Variants in DNAH5 observed in about 807,000 individuals in gnomAD.
DNAH5 encodes the protein dynein axonemal heavy chain 5, also known as axonemal beta dynein heavy chain 5.
DNAH5 carries 372 observed loss-of-function variants against 518.2 expected under a neutral mutation model. The observed-to-expected ratio is 0.72, with a 90% CI of 0.66 to 0.78. The LOEUF (loss-of-function observed/expected upper bound fraction) is 0.78, where lower values mean the gene tolerates loss of function less well. DNAH5 is among the 30% of genes least tolerant of loss of function. The pLI, the probability that DNAH5 is intolerant of heterozygous loss-of-function variation, is 0.00. For synonymous variants in DNAH5, 2,039 were observed against 2,025.9 expected (o/e 1.01, Z -0.17); for missense variants, 5,523 against 5,687.0 (o/e 0.97, Z 0.93).
In DNAH5 at chr5:13,850,735, C is replaced by CTG; in HGVS notation, c.5029_5030dup (p.Gln1677HisfsTer51). ...CCAGGGTCTCATCTCCAACACAGCA[C>CTG]TGGACTACACTGGGCACTTCATGTG... On this transcript the variant is annotated frameshift_variant, in exon 31 of 79. Coordinates refer to ENST00000265104, the MANE Select transcript of DNAH5 (RefSeq NM_001369.3). LOFTEE classifies it high-confidence loss of function. 6.2e-7 allele frequency: 1 copy of CTG among 1,614,094 alleles called. No homozygotes were observed. The highest frequency in any genetic ancestry group is 8.5e-7 in the Non-Finnish European group (1 of 1,179,964).
chr5:13,814,730 T>TG lies in DNAH5; in HGVS notation c.7104dup (p.Met2369HisfsTer13), dbSNP rs752839585. On this transcript the variant is annotated frameshift_variant, in exon 43 of 79. Transcript: ENST00000265104. LOFTEE classifies it high-confidence loss of function. Reference sequence around the variant, plus strand: ...AAAATGATCTTGCAGTTTGGAGCCATGGGAATCCGATCACCATTGGCAAGG... The same window carrying TG: ...AAAATGATCTTGCAGTTTGGAGCCATGGGGAATCCGATCACCATTGGCAAGG... The TG allele has an allele frequency of 6.2e-7, 1 of 1,614,124 alleles. No individual in the cohort carries two copies. Among genetic ancestry groups the TG allele is most frequent in the Admixed American group, 1.7e-5 (1 of 60,016 alleles).
At chr5:13,751,048 C>A (rs1406139792) in intron 65 of DNAH5, 30 bp downstream of exon 65, 1 of 1,610,388 alleles carries the variant, frequency 6.2e-7, no homozygotes, top group Non-Finnish European at 8.5e-7. Flanking sequence ...TAAAGCAATG[C>A]AGAATGGGAG....
chr5:13,955,149 TG>T (rs1780674507), intron 1 of DNAH5, among the ~76,000 whole-genome samples: 1 of 152,190 alleles, frequency 6.6e-6, no homozygotes, highest in Non-Finnish European at 1.5e-5. Context: ...CCCCAACTGC[TG>T]TCTCGCGATT....
In DNAH5 at chr5:13,969,154, A is replaced by T. The variant is rs186725189; in HGVS notation, c.13-37910T>A. On this transcript the variant is annotated intron_variant, in intron 1 of 78. Transcript: ENST00000681290. ...TGATCTTTTGTATTTCTGTGGTATC[A>T]GTTGTAACATCTCCTGTTTCATTTC... Among the ~76,000 whole-genome samples the T allele has an allele frequency of 6.9e-3, 1,047 of 152,252 alleles. 54 individuals carry two copies. The highest frequency in any genetic ancestry group is 0.064 in the Admixed American group (981 of 15,294).
At chr5:13,751,953 C>T (rs533054243) in intron 64 of DNAH5, among the ~76,000 whole-genome samples, 181 bp downstream of exon 64, 56 of 152,282 alleles carry the variant, frequency 3.7e-4, no homozygotes, top group African/African-American at 9.4e-4. Flanking sequence ...GAAGTCAATA[C>T]TCCTAAAAGG....
At position 13,919,031 on chromosome 5, in the gene DNAH5, GATGTGAGGGAAGTATTATGTAATTTTAA is replaced by G. The variant is rs1776959855; in HGVS notation, c.975+117_975+144del. 4.0e-6 allele frequency: 4 copies of G among 1,003,604 alleles called. No individual in the cohort carries two copies. The African/African-American group carries it at 4.8e-5, about 12-fold the overall frequency. 62.2% of individuals were successfully genotyped at this position (1,003,604 alleles called of 1,614,324 possible). Reference sequence around the variant, plus strand: ...AGACTATTTCCGCAGCCTCCAAAGTGATGTGAGGGAAGTATTATGTAATTTTAAATGTTTTTCATCAAGGTATAATAAC... The same window carrying G: ...AGACTATTTCCGCAGCCTCCAAAGTGATGTTTTTCATCAAGGTATAATAAC... On this transcript the variant is annotated intron_variant, in intron 7 of 78. Transcript: ENST00000265104.
chr5:13,818,109 C>G (rs1220735050), intron 41 of DNAH5, among the ~76,000 whole-genome samples: 1 of 152,144 alleles, frequency 6.6e-6, no homozygotes. Flanking sequence ...GTTATGTTTT[C>G]TTGCTCACCT....
chr5:13,736,144 T>C (rs1242304564), intron 66 of DNAH5, among the ~76,000 whole-genome samples: 2 of 152,234 alleles, frequency 1.3e-5, no homozygotes, highest in East Asian at 3.8e-4. Flanking sequence ...ATTTATTAAA[T>C]GGTACTTCTC....
intron 71 of DNAH5, 90 bp from the exon 72 acceptor site, chr5:13,719,191 T>C (rs1352486725): frequency 9.4e-7 from 1 of 1,062,486 alleles, no homozygotes; most frequent in East Asian, 2.6e-5. Flanking sequence ...GTAATTAAAA[T>C]TTAATAGGAA....
At chr5:13,960,687 C>A (rs926886580) in intron 1 of DNAH5, among the ~76,000 whole-genome samples, 3 of 152,176 alleles carry the variant, frequency 2.0e-5, no homozygotes, top group Non-Finnish European at 4.4e-5. Flanking sequence ...CATAGGGGAA[C>A]CCCTGGCCAA....
rs531634191 is a variant in DNAH5 at position 13,916,464 on chromosome 5, T to C, written c.1090-9A>G. 1 of 1,465,796 alleles carries C rather than the reference T, an allele frequency of 6.8e-7. No homozygotes were observed. The highest frequency in any genetic ancestry group is 2.3e-5 in the East Asian group (1 of 43,494). 90.8% of individuals were successfully genotyped at this position (1,465,796 alleles called of 1,614,324 possible). Reference sequence around the variant, plus strand: ...GCATCCATCATGGATAGCTGAAAGATATCACCAAAGTTTTCAGAAAAAATC... The same window carrying C: ...GCATCCATCATGGATAGCTGAAAGACATCACCAAAGTTTTCAGAAAAAATC... On this transcript the variant is annotated splice_polypyrimidine_tract_variant and intron_variant, in intron 8 of 78. Transcript: ENST00000265104.
Position 13,865,139 on chromosome 5 carries a change from T to C in DNAH5, c.4356-502A>G, listed in dbSNP as rs542734002. Among the ~76,000 whole-genome samples the C allele has an allele frequency of 3.3e-3, 496 of 151,106 alleles. 2 individuals are homozygous for C. The highest frequency in any genetic ancestry group is 5.8e-3 in the Non-Finnish European group (395 of 67,850). ...CCTCCCGAGTAGCTGGGATTACAGG[T>C]ACGTGCCGCCATGCCCAGCTAATTT... On this transcript the variant is annotated intron_variant, in intron 27 of 78. Coordinates refer to ENST00000265104, the MANE Select transcript of DNAH5 (RefSeq NM_001369.3).
At chr5:13,769,732 G>C in intron 56 of DNAH5, 117 bp from the exon 57 acceptor site, 1 of 884,092 alleles carries the variant, frequency 1.1e-6, no homozygotes, top group Admixed American at 1.8e-5. Context: ...ATGTATGCAA[G>C]TAGCAAACCC....
intron 1 of DNAH5, among the ~76,000 whole-genome samples, chr5:13,959,774 C>A (rs769079372): frequency 1.3e-5 from 2 of 152,170 alleles, no homozygotes; most frequent in African/African-American, 2.4e-5. Flanking sequence ...TTGAGACCAG[C>A]CTGACCAACA....
chr5:13,791,309 C>T (rs960610063), intron 50 of DNAH5, among the ~76,000 whole-genome samples: 3 of 152,162 alleles, frequency 2.0e-5, no homozygotes, highest in Non-Finnish European at 4.4e-5. Flanking sequence ...GAGGCCAACC[C>T]TGTCTTAGCC....
At chr5:13,900,439 T>C (rs780293349) in intron 14 of DNAH5, 27 bp from the exon 15 acceptor site, 1 of 1,577,376 alleles carries the variant, frequency 6.3e-7, no homozygotes. Context: ...ACATCATTAC[T>C]ATCAGAAAGT....
At chr5:13,773,317 AAG>A in intron 55 of DNAH5, among the ~76,000 whole-genome samples, 1 of 152,326 alleles carries the variant, frequency 6.6e-6, no homozygotes, top group East Asian at 1.9e-4. Flanking sequence ...AAATATTCCA[AAG>A]AGAACAAAGG....
chr5:13,892,748 T>G (rs555462090), intron 16 of DNAH5, among the ~76,000 whole-genome samples: 1 of 152,310 alleles, frequency 6.6e-6, no homozygotes, highest in Admixed American at 6.5e-5. Context: ...CATTATCATG[T>G]TTTTATACAT....
intron 1 of DNAH5, among the ~76,000 whole-genome samples, chr5:13,972,172 G>A (rs1472861959): frequency 6.6e-6 from 1 of 152,144 alleles, no homozygotes; most frequent in Non-Finnish European, 1.5e-5. Context: ...CCTACCGTGG[G>A]CCCCCAACAG....
Sources: allele counts gnomAD v4.1 joint callset (sites outside exome capture counted in the v4.1 genomes callset), GRCh38; gene constraint gnomAD v4.1.1; transcripts MANE v1.5; gene names NCBI Gene and HGNC (gene_info 2026-07-23, HGNC 2026-07-21).